ZIM2: variants seen among roughly 807,000 people sequenced by gnomAD.
The protein encoded by ZIM2 is zinc finger imprinted 2.
Under a neutral mutation model 38.6 loss-of-function variants are expected in ZIM2, and 14 were observed. That is an observed-to-expected ratio of 0.36 (90% CI 0.24 to 0.57). The LOEUF is 0.57. Among genes scored for constraint, ZIM2 ranks in the 20% least tolerant of loss-of-function variants. The pLI, the probability that ZIM2 is intolerant of heterozygous loss-of-function variation, is 0.81. For synonymous variants in ZIM2, 247 were observed against 245.8 expected (o/e 1.00, Z -0.04); for missense variants, 680 against 695.1 (o/e 0.98, Z 0.24).
At chr19:56,833,250 TG>T (rs2061750205) in intron 2 of ZIM2, 1 of 481,954 alleles carries the variant, frequency 2.1e-6, no homozygotes, top group African/African-American at 2.0e-5. Context: ...TCCCTCACCA[TG>T]GTGCACCTAG....
chr19:56,793,772 A>T (rs534227229), intron 9 of ZIM2, among the ~76,000 whole-genome samples: 1 of 152,348 alleles, frequency 6.6e-6, no homozygotes, highest in South Asian at 2.1e-4. Context: ...TGGAATGCTA[A>T]ACAGAAAATA....
In ZIM2 at chr19:56,816,637, C is replaced by T. The variant is rs768343805; in HGVS notation, c.490+1109G>A. 1.3e-4 allele frequency: 202 copies of T among 1,612,788 alleles called. No individual in the cohort carries two copies. Among genetic ancestry groups the T allele is most frequent in the Middle Eastern group, 1.6e-4 (1 of 6,078 alleles). On this transcript the variant is annotated intron_variant, in intron 9 of 12. Transcript: ENST00000629319. ...GGGCCTAAAGGTTTCCCCGCGCTCACGTTCACGTTCACGTTCATGTTCACG... is the reference window on the plus strand; with the variant it reads ...GGGCCTAAAGGTTTCCCCGCGCTCATGTTCACGTTCACGTTCATGTTCACG...
chr19:56,805,498 G>T (rs1371464490), intron 9 of ZIM2, among the ~76,000 whole-genome samples: 1 of 152,172 alleles, frequency 6.6e-6, no homozygotes, highest in Non-Finnish European at 1.5e-5. Context: ...GTCTCCCACT[G>T]ATTGTTTATT....
chr19:56,839,985 C>T (rs1208052360), intron 1 of ZIM2, among the ~76,000 whole-genome samples: 1 of 152,230 alleles, frequency 6.6e-6, no homozygotes, highest in Non-Finnish European at 1.5e-5. Context: ...CCCCTACAGG[C>T]AGGACAGCCC....
chr19:56,831,772 T>C (rs1005653672), intron 2 of ZIM2, among the ~76,000 whole-genome samples: 1 of 152,252 alleles, frequency 6.6e-6, no homozygotes, highest in Admixed American at 6.5e-5. Flanking sequence ...ACATTCACCA[T>C]AGAAACTGCA....
chr19:56,779,747 G>A (rs7248994), intron 11 of ZIM2, among the ~76,000 whole-genome samples: 63,056 of 151,834 alleles, frequency 0.42, 13,414 homozygotes, highest in South Asian at 0.48. Flanking sequence ...CCCACAACCC[G>A]GGACGATCTG....
chr19:56,827,535 T>C (rs1325883706), intron 2 of ZIM2, among the ~76,000 whole-genome samples: 1 of 152,208 alleles, frequency 6.6e-6, no homozygotes, highest in African/African-American at 2.4e-5. Context: ...TATGTTTGTA[T>C]GCACGGGAAG....
At chr19:56,813,979 T>C in intron 9 of ZIM2, 1 of 1,614,048 alleles carries the variant, frequency 6.2e-7, no homozygotes, top group Non-Finnish European at 8.5e-7. Flanking sequence ...TTCTGGGTCT[T>C]CAATTCCCAC....
intron 9 of ZIM2, among the ~76,000 whole-genome samples, chr19:56,795,781 C>T (rs1430250337): frequency 6.6e-6 from 1 of 152,054 alleles, no homozygotes; most frequent in Admixed American, 6.6e-5. Context: ...GCAGAGGTTA[C>T]AGTGAGCCGA....
intron 2 of ZIM2, among the ~76,000 whole-genome samples, chr19:56,834,047 G>A (rs1174701548): frequency 6.6e-6 from 1 of 152,190 alleles, no homozygotes; most frequent in African/African-American, 2.4e-5. Context: ...TCAGTCTTAT[G>A]ACCAGCACAA....
At chr19:56,817,661 AT>A in intron 9 of ZIM2, 84 bp downstream of exon 9, 6 of 1,514,598 alleles carry the variant, frequency 4.0e-6, no homozygotes, top group Non-Finnish European at 5.5e-6. Flanking sequence ...CCCTTCTGTG[AT>A]GTTTAGGAAT....
At chr19:56,794,629 C>T (rs1363441781) in intron 9 of ZIM2, among the ~76,000 whole-genome samples, 4 of 152,208 alleles carry the variant, frequency 2.6e-5, no homozygotes, top group Non-Finnish European at 4.4e-5. Context: ...ACTTCTTCTT[C>T]CAAACTCAAT....
intron 9 of ZIM2, chr19:56,810,816 TA>T (rs1291400457): frequency 2.1e-6 from 2 of 972,294 alleles, no homozygotes; most frequent in African/African-American, 3.5e-5. Context: ...GTGTTGGGAA[TA>T]TAGGTAATTT....
chr19:56,826,589 C>T (rs1007013668), intron 2 of ZIM2, 126 bp from the exon 3 acceptor site: 3 of 152,172 alleles, frequency 2.0e-5, no homozygotes, highest in South Asian at 2.1e-4. Flanking sequence ...GCCTTCTATA[C>T]CTTCGGGGAA....
chr19:56,774,620 CACACTCACA>C lies in ZIM2; in HGVS notation c.*59_*67del. 1 of 1,537,902 alleles carries C rather than the reference CACACTCACA, an allele frequency of 6.5e-7. No homozygotes were observed. Among genetic ancestry groups the C allele is most frequent in the East Asian group, 2.3e-5 (1 of 44,092 alleles). On this transcript the variant is annotated 3_prime_UTR_variant, in exon 13 of 13. Transcript: ENST00000629319. ...AGGTGGGGCTAGTGAAAGGCCTTCTCACACTCACAACACTCTAGGAGGAAGCCAATAATG... is the reference window on the plus strand; with the variant it reads ...AGGTGGGGCTAGTGAAAGGCCTTCTCACACTCTAGGAGGAAGCCAATAATG...
rs562517100 is a variant in ZIM2 at position 56,809,863 on chromosome 19, G to A, written c.490+7883C>T. Among the ~76,000 whole-genome samples, 57 of 152,216 alleles carry A rather than the reference G, an allele frequency of 3.7e-4. 1 individual carries two copies. The highest frequency in any genetic ancestry group is 1.8e-4 in the Non-Finnish European group (12 of 68,014). On this transcript the variant is annotated intron_variant, in intron 9 of 12. Coordinates refer to ENST00000629319, the MANE Select transcript of ZIM2 (RefSeq NM_001387356.1). ...CTTTAAAAAAATTGTTGGAACATATGTTTTAGTTTCATAAGGGCAGTTACA... is the reference window on the plus strand; with the variant it reads ...CTTTAAAAAAATTGTTGGAACATATATTTTAGTTTCATAAGGGCAGTTACA...
intron 9 of ZIM2, among the ~76,000 whole-genome samples, chr19:56,794,963 C>T (rs1438081838): frequency 2.6e-5 from 4 of 152,196 alleles, no homozygotes; most frequent in Non-Finnish European, 4.4e-5. Flanking sequence ...ATTAATAATA[C>T]GGCTTTCTCT....
intron 9 of ZIM2, among the ~76,000 whole-genome samples, chr19:56,801,106 T>G (rs889277419): frequency 6.6e-6 from 1 of 151,824 alleles, no homozygotes. Flanking sequence ...GGCTAATTTT[T>G]TTGTGTTTTT....
At chr19:56,838,100 A>G (rs1428528774) in intron 1 of ZIM2, among the ~76,000 whole-genome samples, 1 of 152,196 alleles carries the variant, frequency 6.6e-6, no homozygotes, top group Non-Finnish European at 1.5e-5. Flanking sequence ...GCCAGCAAAG[A>G]TGATGCCACA....
Sources: allele counts gnomAD v4.1 joint callset (sites outside exome capture counted in the v4.1 genomes callset), GRCh38; gene constraint gnomAD v4.1.1; transcripts MANE v1.5; gene names NCBI Gene and HGNC (gene_info 2026-07-23, HGNC 2026-07-21).